STK17A: variants seen among roughly 807,000 people sequenced by gnomAD.
The protein encoded by STK17A is serine/threonine-protein kinase 17A.
Under a neutral mutation model 43.7 loss-of-function variants are expected in STK17A, and 26 were observed. That is an observed-to-expected ratio of 0.60 (90% confidence interval 0.44 to 0.83). The LOEUF is 0.83. Among genes scored for constraint, STK17A ranks in the 40% least tolerant of loss-of-function variants. The pLI, the probability that STK17A is intolerant of heterozygous loss-of-function variation, is 0.00. For synonymous variants in STK17A, 191 were observed against 182.5 expected (o/e 1.05, Z -0.38); for missense variants, 476 against 511.6 (o/e 0.93, Z 0.67).
At chr7:43,592,083 A>C (rs2082483925) in intron 1 of STK17A, among the ~76,000 whole-genome samples, 1 of 151,530 alleles carries the variant, frequency 6.6e-6, no homozygotes, top group East Asian at 1.9e-4. Context: ...ATTTCAGACG[A>C]ATTTTTTACA....
intron 1 of STK17A, among the ~76,000 whole-genome samples, chr7:43,595,267 C>CTTTT (rs57811536): frequency 1.8e-4 from 16 of 88,352 alleles, no homozygotes; most frequent in East Asian, 7.2e-4. Flanking sequence ...AATCAAATGG[C>CTTTT]TTTTTTTTTT....
chr7:43,597,369 G>A (rs1221840094), intron 2 of STK17A, among the ~76,000 whole-genome samples: 1 of 151,896 alleles, frequency 6.6e-6, no homozygotes, highest in Non-Finnish European at 1.5e-5. Flanking sequence ...GCTCATGCCT[G>A]TAGTTCAGCA....
chr7:43,613,237 A>G (rs951811796), intron 3 of STK17A, among the ~76,000 whole-genome samples: 2 of 152,206 alleles, frequency 1.3e-5, no homozygotes, highest in Admixed American at 6.5e-5. Context: ...TCAGGGTGCA[A>G]AAATTCCACA....
chr7:43,591,264 T>C (rs987199761), intron 1 of STK17A, among the ~76,000 whole-genome samples: 4 of 151,698 alleles, frequency 2.6e-5, no homozygotes, highest in Admixed American at 6.6e-5. Flanking sequence ...TTTTATGTTT[T>C]ACATTTTTTA....
intron 3 of STK17A, among the ~76,000 whole-genome samples, chr7:43,610,962 C>T (rs529979560): frequency 2.0e-5 from 3 of 151,942 alleles, no homozygotes; most frequent in African/African-American, 7.2e-5. Flanking sequence ...ACGAAAAATA[C>T]AAAAATTAGC....
chr7:43,621,507 T>G (rs1423959586), intron 4 of STK17A, among the ~76,000 whole-genome samples: 1 of 152,220 alleles, frequency 6.6e-6, no homozygotes, highest in Non-Finnish European at 1.5e-5. Flanking sequence ...TGAGAGAGTC[T>G]CACTCTGCCA....
chr7:43,583,395 G>C lies in STK17A; in HGVS notation c.152G>C (p.Arg51Pro). ...GLLTEIRAVV[R>P]TEPFQDGYSL... Reference sequence around the variant, plus strand: ...CTGACAGAGATACGCGCCGTGGTGCGCACCGAGCCCTTCCAGGACGGCTAC... The same window carrying C: ...CTGACAGAGATACGCGCCGTGGTGCCCACCGAGCCCTTCCAGGACGGCTAC... Residue 51 changes from arginine to proline, a missense_variant, in exon 1 of 7, where the codon CGC (arginine) becomes CCC (proline). Arg to Pro is a moderately radical substitution (Grantham distance 103). Around this residue, in one of 3 missense-constraint regions of STK17A, gnomAD observed 320 missense variants for 326.3 expected, o/e 0.98. Coordinates refer to ENST00000319357, the MANE Select transcript of STK17A (RefSeq NM_004760.3). 6.9e-7 allele frequency: 1 copy of C among 1,441,198 alleles called. No individual in the cohort carries two copies. Among genetic ancestry groups the C allele is most frequent in the Non-Finnish European group, 9.1e-7 (1 of 1,095,600 alleles). The allele number at this position is 1,441,198 out of a possible 1,614,324, so 89.3% of individuals were successfully genotyped here. A position where few individuals can be genotyped will look rare whatever the true frequency, so the allele number is the denominator to read the frequency against.
At chr7:43,598,841 G>A (rs994394144) in intron 2 of STK17A, among the ~76,000 whole-genome samples, 11 of 151,090 alleles carry the variant, frequency 7.3e-5, no homozygotes, top group Admixed American at 1.3e-4. Context: ...TCGGCTCACC[G>A]CAACCTCTGC....
In STK17A at chr7:43,596,030, T is replaced by C; in HGVS notation, c.336T>C (p.Leu112=). 6.2e-7 allele frequency: 1 copy of C among 1,613,926 alleles called. No homozygotes were observed. The highest frequency in any genetic ancestry group is 1.7e-5 in the Admixed American group (1 of 60,022). Residue 112 remains leucine, a synonymous_variant, in exon 2 of 7, where the codon CTT becomes CTC. Transcript: ENST00000319357. ...AAATAATTCATGAGATTGCTGTACT[T>C]GAACTAGCACAAGACAATCCTTGGG... The part of the protein sequence containing the change: ...RMEIIHEIAV[L]ELAQDNPWVI...
chr7:43,603,294 G>A (rs748276273), intron 2 of STK17A, among the ~76,000 whole-genome samples: 2 of 152,090 alleles, frequency 1.3e-5, no homozygotes, highest in Non-Finnish European at 2.9e-5. Context: ...TGAAGAGGAA[G>A]TCTTAGAGAT....
intron 1 of STK17A, among the ~76,000 whole-genome samples, chr7:43,584,178 A>G (rs1176222674): frequency 6.6e-6 from 1 of 152,066 alleles, no homozygotes; most frequent in African/African-American, 2.4e-5. Context: ...TTGCAGGTGC[A>G]GGCTGTTCGG....
At chr7:43,615,455 A>G (rs1432924067) in intron 3 of STK17A, among the ~76,000 whole-genome samples, 2 of 152,040 alleles carry the variant, frequency 1.3e-5, no homozygotes, top group African/African-American at 4.8e-5. Flanking sequence ...GGAATTACAG[A>G]TGTGAGCCAC....
At chr7:43,606,572 T>C (rs567164220) in intron 2 of STK17A, among the ~76,000 whole-genome samples, 29 of 152,300 alleles carry the variant, frequency 1.9e-4, no homozygotes, top group Non-Finnish European at 3.2e-4. Context: ...CCCAGTAAAA[T>C]TTTTTGGTTA....
intron 4 of STK17A, 125 bp from the exon 5 acceptor site, chr7:43,623,447 C>T (rs2153021522): frequency 2.7e-6 from 2 of 735,102 alleles, no homozygotes; most frequent in Non-Finnish European, 4.5e-6. Flanking sequence ...TTATGGTAAC[C>T]TTTCATTTTA....
chr7:43,598,178 A>G (rs2082532180), intron 2 of STK17A, among the ~76,000 whole-genome samples: 1 of 152,140 alleles, frequency 6.6e-6, no homozygotes, highest in East Asian at 1.9e-4. Context: ...ATATTTATAA[A>G]AGAAATGGTC....
At position 43,596,122 on chromosome 7, in the gene STK17A, T is replaced by C. The variant is rs758785426; in HGVS notation, c.419+9T>C. The C allele has an allele frequency of 6.3e-7, 1 of 1,598,832 alleles. No homozygotes were observed. The highest frequency in any genetic ancestry group is 8.5e-7 in the Non-Finnish European group (1 of 1,170,734). On this transcript the variant is annotated intron_variant, in intron 2 of 6. Transcript: ENST00000319357. ...ATCTTAGTTCTGGAATAGTAAGTATTGTCTTTCTTAGATTAAGTTTGTTTG... is the reference window on the plus strand; with the variant it reads ...ATCTTAGTTCTGGAATAGTAAGTATCGTCTTTCTTAGATTAAGTTTGTTTG...
At chr7:43,593,347 G>C (rs4720457) in intron 1 of STK17A, among the ~76,000 whole-genome samples, 1 of 152,096 alleles carries the variant, frequency 6.6e-6, no homozygotes, top group Non-Finnish European at 1.5e-5. Flanking sequence ...ATAGGGCTGT[G>C]ATTAACATAT....
chr7:43,615,773 G>A (rs1435942060), intron 3 of STK17A, among the ~76,000 whole-genome samples: 3 of 152,032 alleles, frequency 2.0e-5, no homozygotes, highest in South Asian at 2.1e-4. Flanking sequence ...ACAGCAGTAC[G>A]GCCTCTATAC....
At chr7:43,614,829 G>A (rs113023896) in intron 3 of STK17A, among the ~76,000 whole-genome samples, 1,747 of 152,198 alleles carry the variant, frequency 0.011, 35 homozygotes, top group African/African-American at 0.04. Context: ...CACTGATTTA[G>A]GATTTACAAC....
Sources: gnomAD v4.1 joint callset for allele counts (sites outside exome capture counted in the v4.1 genomes callset) on GRCh38, gnomAD v4.1.1 for gene constraint, gnomAD v4.1.1 regional missense constraint, MANE v1.5 for transcripts, NCBI Gene and HGNC (gene_info 2026-07-23, HGNC 2026-07-21) for gene names.